Variants in EEPD1 observed in about 807,000 individuals in gnomAD.
EEPD1 encodes the protein endonuclease/exonuclease/phosphatase family domain containing 1, also known as endonuclease/exonuclease/phosphatase family domain-containing protein 1.
Under a neutral mutation model 46.3 loss-of-function variants are expected in EEPD1, and 17 were observed. That is an observed-to-expected ratio of 0.37 (90% CI 0.25 to 0.55). EEPD1 has a LOEUF of 0.55. EEPD1 is among the 20% of genes least tolerant of loss of function. The probability of loss-of-function intolerance (pLI) is 0.83; values close to 1 mark genes in which losing one functional copy is unlikely to be tolerated. For synonymous variants in EEPD1, 313 were observed against 315.6 expected, an observed-to-expected ratio of 0.99 and a Z score of 0.09; for missense variants, 673 against 745.6, an observed-to-expected ratio of 0.90 and a Z score of 1.13.
At chr7:36,289,212 A>G (rs138797565) in intron 6 of EEPD1, among the ~76,000 whole-genome samples, 167 of 152,368 alleles carry the variant, frequency 1.1e-3, no homozygotes, top group African/African-American at 3.7e-3. Flanking sequence ...ATCATTTTAC[A>G]TATTCAAGTC....
intron 2 of EEPD1, among the ~76,000 whole-genome samples, chr7:36,199,666 T>C (rs1785679929): frequency 6.6e-6 from 1 of 152,038 alleles, no homozygotes; most frequent in Non-Finnish European, 1.5e-5. Flanking sequence ...CCTCTCTGAG[T>C]CTCAGCTGCT....
chr7:36,263,364 G>T (rs1350118155), intron 3 of EEPD1, among the ~76,000 whole-genome samples: 1 of 152,150 alleles, frequency 6.6e-6, no homozygotes, highest in Admixed American at 6.5e-5. Context: ...AGTTAATTAG[G>T]TTTGAAGAAG....
At chr7:36,253,759 T>C (rs1786783026) in intron 3 of EEPD1, among the ~76,000 whole-genome samples, 1 of 152,212 alleles carries the variant, frequency 6.6e-6, no homozygotes, top group Admixed American at 6.5e-5. Context: ...TCAGCTTTCT[T>C]ACAGTTGCTA....
chr7:36,236,518 T>A (rs1355881042), intron 2 of EEPD1, among the ~76,000 whole-genome samples: 1 of 152,178 alleles, frequency 6.6e-6, no homozygotes, highest in Non-Finnish European at 1.5e-5. Flanking sequence ...TGGGACGAGC[T>A]CCCTCTGGGC....
intron 2 of EEPD1, among the ~76,000 whole-genome samples, chr7:36,182,817 A>T (rs182600861): frequency 6.6e-6 from 1 of 152,290 alleles, no homozygotes; most frequent in Non-Finnish European, 1.5e-5. Context: ...GGCACTAAAA[A>T]CTGCACCTGT....
intron 3 of EEPD1, among the ~76,000 whole-genome samples, chr7:36,246,352 C>A (rs114635863): frequency 6.6e-6 from 1 of 152,242 alleles, no homozygotes; most frequent in African/African-American, 2.4e-5. Context: ...CAGGTACTGG[C>A]TAGCCTCTGT....
chr7:36,258,057 T>A (rs1453994415), intron 3 of EEPD1, among the ~76,000 whole-genome samples: 1 of 152,208 alleles, frequency 6.6e-6, no homozygotes, highest in African/African-American at 2.4e-5. Flanking sequence ...TTTCTGTTTG[T>A]TCGTTTTGCT....
At chr7:36,179,904 AC>A (rs1785243947) in intron 2 of EEPD1, among the ~76,000 whole-genome samples, 1 of 152,056 alleles carries the variant, frequency 6.6e-6, no homozygotes, top group African/African-American at 2.4e-5. Context: ...TACCTGAGTC[AC>A]CCGAGGAGCC....
chr7:36,249,034 C>CACACACACACAT (rs3221650), intron 3 of EEPD1, among the ~76,000 whole-genome samples: 6 of 151,544 alleles, frequency 4.0e-5, no homozygotes, highest in Non-Finnish European at 7.4e-5. Context: ...CACACACACA[C>CACACACACACAT]ATTTTCTCCT....
intron 2 of EEPD1, among the ~76,000 whole-genome samples, chr7:36,205,424 A>G (rs1292224087): frequency 2.6e-5 from 4 of 152,196 alleles, no homozygotes; most frequent in African/African-American, 9.7e-5. Flanking sequence ...TATCATCCCT[A>G]AGTCATTGCA....
intron 2 of EEPD1, among the ~76,000 whole-genome samples, chr7:36,203,308 C>T (rs1015568336): frequency 1.3e-5 from 2 of 152,112 alleles, no homozygotes; most frequent in African/African-American, 4.8e-5. Context: ...AGAAAGGCAC[C>T]GCAGGTCACA....
At chr7:36,194,968 A>T (rs1039669952) in intron 2 of EEPD1, among the ~76,000 whole-genome samples, 8 of 152,194 alleles carry the variant, frequency 5.3e-5, no homozygotes, top group African/African-American at 1.9e-4. Context: ...GCAACTGCGA[A>T]ATCCTTCCTA....
intron 6 of EEPD1, among the ~76,000 whole-genome samples, chr7:36,288,023 G>T (rs965729609): frequency 6.6e-6 from 1 of 152,172 alleles, no homozygotes; most frequent in Non-Finnish European, 1.5e-5. Flanking sequence ...GCCTCATTTA[G>T]ATAGAAAGGA....
chr7:36,210,508 C>T (rs1785908131), intron 2 of EEPD1, among the ~76,000 whole-genome samples: 1 of 152,102 alleles, frequency 6.6e-6, no homozygotes, highest in African/African-American at 2.4e-5. Context: ...GCATACCTTC[C>T]AGAGCTGTCT....
intron 2 of EEPD1, among the ~76,000 whole-genome samples, chr7:36,218,105 CTGAT>C (rs1436848881): frequency 3.9e-5 from 6 of 152,184 alleles, no homozygotes; most frequent in Non-Finnish European, 8.8e-5. Flanking sequence ...AAACGATACT[CTGAT>C]TGTTATTAAG....
Position 36,297,114 on chromosome 7 carries a change from C to T in EEPD1, c.1437C>T (p.Ser479=), listed in dbSNP as rs759752037. 4 of 1,614,086 alleles carry T rather than the reference C, an allele frequency of 2.5e-6. No homozygotes were observed. The highest frequency in any genetic ancestry group is 1.3e-5 in the African/African-American group (1 of 74,934). ...CCGCGCACACCTTCACCAACATCAG[C>T]ACCAAGAACCCTCAAGGCTCGAAGT... is the stretch of plus-strand genomic sequence containing the variant. ...LIPAHTFTNI[S]TKNPQGSKSL... is the part of the protein sequence containing the mutation. Residue 479 remains serine (S), a synonymous_variant, in exon 7 of 8, where the codon AGC becomes AGT. Coordinates refer to ENST00000242108, the MANE Select transcript of EEPD1 (RefSeq NM_030636.3).
At chr7:36,258,609 C>G (rs192232998) in intron 3 of EEPD1, among the ~76,000 whole-genome samples, 1 of 152,106 alleles carries the variant, frequency 6.6e-6, no homozygotes, top group Non-Finnish European at 1.5e-5. Flanking sequence ...AACTTCCAGG[C>G]GGCTTTGTTT....
chr7:36,289,766 T>A (rs1787399456), intron 6 of EEPD1, among the ~76,000 whole-genome samples: 1 of 152,194 alleles, frequency 6.6e-6, no homozygotes, highest in Non-Finnish European at 1.5e-5. Flanking sequence ...AGTGCTGGGA[T>A]TACAGGCGTG....
At chr7:36,237,270 C>T (rs942601140) in intron 2 of EEPD1, among the ~76,000 whole-genome samples, 12 of 152,148 alleles carry the variant, frequency 7.9e-5, no homozygotes, top group Middle Eastern at 3.2e-3. Flanking sequence ...ACACTCACCG[C>T]GAGGTTCCAC....
Sources: allele counts gnomAD v4.1 joint callset (sites outside exome capture counted in the v4.1 genomes callset), GRCh38; gene constraint gnomAD v4.1.1; transcripts MANE v1.5; gene names NCBI Gene and HGNC (gene_info 2026-07-23, HGNC 2026-07-21).